ZC3H12C: variants seen among roughly 807,000 people sequenced by gnomAD.
ZC3H12C encodes zinc finger CCCH-type containing 12C, also known as probable ribonuclease ZC3H12C.
A neutral mutation model predicts 76.3 loss-of-function variants in ZC3H12C; 20 were observed. That is an observed-to-expected ratio of 0.26 (90% CI 0.18 to 0.38). The LOEUF is 0.38. Among genes scored for constraint, ZC3H12C ranks in the 10% least tolerant of loss-of-function variants. ZC3H12C has a pLI of 1.00. For synonymous variants in ZC3H12C, 352 were observed against 399.6 expected, an observed-to-expected ratio of 0.88 and a Z score of 1.42; for missense variants, 874 against 1,086.5, an observed-to-expected ratio of 0.80 and a Z score of 2.75.
At position 110,153,813 on chromosome 11, in the gene ZC3H12C, G is replaced by A. The variant is rs544966104; in HGVS notation, c.913+755G>A. ...AGACCATAAGATGTGCTTCAGTCCA[G>A]TAGAAAGAAATGTATTTTGCATTAT... is the stretch of plus-strand genomic sequence containing the variant. On this transcript the variant is annotated intron_variant, in intron 3 of 5. Coordinates refer to ENST00000278590, the MANE Select transcript of ZC3H12C (RefSeq NM_033390.2). Among the ~76,000 whole-genome samples, 24 of 152,336 alleles carry A rather than the reference G, an allele frequency of 1.6e-4. No individual in the cohort carries two copies. The South Asian group carries it at 5.0e-3, about 32-fold the overall frequency.
At position 110,165,608 on chromosome 11, in the gene ZC3H12C, T is replaced by C; in HGVS notation, c.2523T>C (p.Ile841=). ...GGTATCAAGACAACCGAGAAAAGATTTATATCAATTTGTGCAACATCTTCC... is the reference window on the plus strand; with the variant it reads ...GGTATCAAGACAACCGAGAAAAGATCTATATCAATTTGTGCAACATCTTCC... The part of the protein sequence containing the change: ...PPRYQDNREK[I]YINLCNIFPP... The change falls in exon 6 of 6, where the codon ATT becomes ATC. Residue 841 remains isoleucine (I), a synonymous_variant. Transcript: ENST00000278590. 1 of 1,603,220 alleles carries C rather than the reference T, an allele frequency of 6.2e-7. No homozygotes were observed. Among genetic ancestry groups the C allele is most frequent in the Non-Finnish European group, 8.5e-7 (1 of 1,174,736 alleles).
chr11:110,159,080 G>T (rs1321455823), intron 3 of ZC3H12C, among the ~76,000 whole-genome samples, 176 bp from the exon 4 acceptor site: 14 of 151,834 alleles, frequency 9.2e-5, no homozygotes, highest in Non-Finnish European at 2.1e-4. Flanking sequence ...AATTCCTGAA[G>T]GAAAAATACT....
chr11:110,146,620 T>A (rs971985147), intron 2 of ZC3H12C, among the ~76,000 whole-genome samples: 1 of 152,246 alleles, frequency 6.6e-6, no homozygotes, highest in African/African-American at 2.4e-5. Context: ...TAGTGACCTA[T>A]TGACTTTTCA....
At chr11:110,148,730 C>A (rs542261824) in intron 2 of ZC3H12C, among the ~76,000 whole-genome samples, 2 of 152,326 alleles carry the variant, frequency 1.3e-5, no homozygotes, top group South Asian at 4.1e-4. Flanking sequence ...TGTTACTGAG[C>A]AGAAAACCCC....
chr11:110,159,163 G>A lies in ZC3H12C; in HGVS notation c.914-93G>A, dbSNP rs1030918047. The A allele has an allele frequency of 7.5e-6, 7 of 936,096 alleles. No individual in the cohort carries two copies. The African/African-American group carries it at 9.9e-5, about 13-fold the overall frequency. The allele number at this position is 936,096 out of a possible 1,614,324, so 58.0% of individuals were successfully genotyped here. On this transcript the variant is annotated intron_variant, in intron 3 of 5. Coordinates refer to ENST00000278590, the MANE Select transcript of ZC3H12C (RefSeq NM_033390.2). ...CTAATTAAAGGATTTCATATATACA[G>A]CTTATGTTTTAGAGTTTCACATTGT... is the stretch of plus-strand genomic sequence containing the variant.
In ZC3H12C at chr11:110,118,020, CACAT is replaced by C. The variant is rs1490333185; in HGVS notation, c.22-18641_22-18638del. 4.7e-5 allele frequency among the ~76,000 whole-genome samples: 6 copies of C among 127,320 alleles called. 2 individuals carry two copies. Among genetic ancestry groups the C allele is most frequent in the Admixed American group, 1.7e-4 (2 of 11,656 alleles). The allele number at this position is 127,320 out of a possible 152,430, so 83.5% of individuals were successfully genotyped here. The stretch of plus-strand genomic sequence containing the variant: ...CATATATATTATATATATACACACA[CACAT>C]ATATATTATATATATATACACATAT... On this transcript the variant is annotated intron_variant, in intron 1 of 5. Coordinates refer to ENST00000278590, the MANE Select transcript of ZC3H12C (RefSeq NM_033390.2).
At chr11:110,119,042 G>A (rs1335064451) in intron 1 of ZC3H12C, among the ~76,000 whole-genome samples, 1 of 151,914 alleles carries the variant, frequency 6.6e-6, no homozygotes, top group South Asian at 2.1e-4. Flanking sequence ...GCATGCACGT[G>A]CAAAAATAAC....
intron 1 of ZC3H12C, among the ~76,000 whole-genome samples, chr11:110,134,754 T>G (rs905279275): frequency 6.6e-6 from 1 of 152,164 alleles, no homozygotes; most frequent in African/African-American, 2.4e-5. Flanking sequence ...TTAAAACTAA[T>G]GAATCCTGTA....
At chr11:110,158,884 A>G (rs1862426164) in intron 3 of ZC3H12C, among the ~76,000 whole-genome samples, 1 of 152,262 alleles carries the variant, frequency 6.6e-6, no homozygotes, top group South Asian at 2.1e-4. Flanking sequence ...CCCACACAGC[A>G]TACAGCTGCT....
At position 110,170,465 on chromosome 11, in the gene ZC3H12C, G is replaced by T. The variant is rs1327911879; in HGVS notation, c.*4728G>T. The T allele has an allele frequency of 6.6e-6, 1 of 152,116 alleles. No homozygotes were observed. The highest frequency in any genetic ancestry group is 1.5e-5 in the Non-Finnish European group (1 of 68,010). The allele number at this position is 152,116 out of a possible 1,614,324, so 9.4% of individuals were successfully genotyped here. ...TGATTTTAAAGAAGATAAATATATTGTAATTTCACATGCTATAGCTTTATT... is the reference window on the plus strand; with the variant it reads ...TGATTTTAAAGAAGATAAATATATTTTAATTTCACATGCTATAGCTTTATT... On this transcript the variant is annotated 3_prime_UTR_variant, in exon 6 of 6. Coordinates refer to ENST00000278590, the MANE Select transcript of ZC3H12C (RefSeq NM_033390.2).
intron 1 of ZC3H12C, among the ~76,000 whole-genome samples, chr11:110,104,127 G>A (rs577062104): frequency 7.9e-5 from 12 of 151,772 alleles, no homozygotes; most frequent in African/African-American, 2.4e-4. Context: ...TCTGCCTCCC[G>A]GGGCAGATGT....
chr11:110,124,948 G>T (rs887496735), intron 1 of ZC3H12C, among the ~76,000 whole-genome samples: 1 of 152,078 alleles, frequency 6.6e-6, no homozygotes, highest in Non-Finnish European at 1.5e-5. Context: ...TAGCCTAAGG[G>T]ATGCTCATGG....
chr11:110,126,335 C>T (rs549564838), intron 1 of ZC3H12C, among the ~76,000 whole-genome samples: 2 of 150,912 alleles, frequency 1.3e-5, no homozygotes, highest in African/African-American at 2.4e-5. Flanking sequence ...CCTGCCTCAG[C>T]CTTCCGAGTA....
At chr11:110,095,923 G>A (rs1037327231) in intron 1 of ZC3H12C, among the ~76,000 whole-genome samples, 1 of 152,168 alleles carries the variant, frequency 6.6e-6, no homozygotes, top group Non-Finnish European at 1.5e-5. Context: ...GATGGTCAGT[G>A]AATAATGAAA....
rs1862568339 is a variant in ZC3H12C, at chr11:110,165,593, C to T, written c.2508C>T (p.Asp836=). The T allele has an allele frequency of 1.2e-6, 2 of 1,608,404 alleles. No individual in the cohort carries two copies. Among genetic ancestry groups the T allele is most frequent in the Non-Finnish European group, 1.7e-6 (2 of 1,177,274 alleles). The part of the protein sequence containing the change: ...GMPQDPPRYQ[D]NREKIYINLC... ...CGCAAGATCCCCCGAGGTATCAAGACAACCGAGAAAAGATTTATATCAATT... is the reference window on the plus strand; with the variant it reads ...CGCAAGATCCCCCGAGGTATCAAGATAACCGAGAAAAGATTTATATCAATT... Residue 836 remains aspartate (D), a synonymous_variant, in exon 6 of 6, where the codon GAC becomes GAT. Coordinates refer to ENST00000278590, the MANE Select transcript of ZC3H12C (RefSeq NM_033390.2).
At chr11:110,094,961 A>G (rs1468988276) in intron 1 of ZC3H12C, among the ~76,000 whole-genome samples, 2 of 152,254 alleles carry the variant, frequency 1.3e-5, no homozygotes, top group Non-Finnish European at 2.9e-5. Context: ...GTACTTAAAC[A>G]TTATAACCAA....
At chr11:110,115,266 CAGCT>C (rs1300876670) in intron 1 of ZC3H12C, among the ~76,000 whole-genome samples, 1 of 151,694 alleles carries the variant, frequency 6.6e-6, no homozygotes, top group African/African-American at 2.4e-5. Context: ...CCACCACACC[CAGCT>C]AGTTTATTTA....
chr11:110,108,515 A>G (rs573382113), intron 1 of ZC3H12C, among the ~76,000 whole-genome samples: 2 of 152,358 alleles, frequency 1.3e-5, no homozygotes, highest in Admixed American at 1.3e-4. Context: ...AAAACGATTA[A>G]GTTTAGTGGC....
intron 1 of ZC3H12C, among the ~76,000 whole-genome samples, chr11:110,098,591 G>A (rs1389147979): frequency 6.6e-6 from 1 of 152,168 alleles, no homozygotes; most frequent in Non-Finnish European, 1.5e-5. Context: ...CATGGTAAGT[G>A]CCCTATATAG....
Sources: allele counts gnomAD v4.1 joint callset (sites outside exome capture counted in the v4.1 genomes callset), GRCh38; gene constraint gnomAD v4.1.1; transcripts MANE v1.5; gene names NCBI Gene and HGNC (gene_info 2026-07-23, HGNC 2026-07-21).